Variants in FTO observed in about 807,000 individuals in gnomAD.
FTO encodes the protein alpha-ketoglutarate-dependent dioxygenase FTO.
In FTO, 47 loss-of-function variants were observed where a neutral mutation model predicts 63.9. That is an observed-to-expected ratio of 0.74 (90% CI 0.58 to 0.94). FTO has a LOEUF of 0.94. Among genes scored for constraint, FTO ranks in the 40% least tolerant of loss-of-function variants. The pLI is 0.00. For missense variants in FTO, 562 were observed against 618.1 expected, an observed-to-expected ratio of 0.91 and a Z score of 0.96; for synonymous variants, 207 against 224.4, an observed-to-expected ratio of 0.92 and a Z score of 0.69.
At chr16:54,102,956 C>A (rs1160347917) in intron 8 of FTO, among the ~76,000 whole-genome samples, 3 of 151,962 alleles carry the variant, frequency 2.0e-5, no homozygotes, top group Non-Finnish European at 1.5e-5. Context: ...AGTTTGAGAC[C>A]AACCTGTGCA....
intron 8 of FTO, among the ~76,000 whole-genome samples, chr16:54,078,957 T>C (rs975321611): frequency 6.6e-6 from 1 of 152,180 alleles, no homozygotes; most frequent in South Asian, 2.1e-4. Context: ...TTTCATTTGG[T>C]AAATGAACAT....
chr16:54,079,772 G>T (rs1440475083), intron 8 of FTO, among the ~76,000 whole-genome samples: 2 of 152,174 alleles, frequency 1.3e-5, no homozygotes, highest in African/African-American at 4.8e-5. Flanking sequence ...CTCGGCTCTG[G>T]CCAGTTACCG....
chr16:53,985,473 GA>G (rs1283516697), intron 8 of FTO, among the ~76,000 whole-genome samples: 1 of 152,142 alleles, frequency 6.6e-6, no homozygotes, highest in African/African-American at 2.4e-5. Flanking sequence ...ACATGAGAAA[GA>G]AAAAAATTTT....
chr16:54,068,224 T>A (rs2085778839), intron 8 of FTO, among the ~76,000 whole-genome samples: 1 of 152,164 alleles, frequency 6.6e-6, no homozygotes. Context: ...GTCTTCCTTT[T>A]TTTCCTTTCT....
intron 8 of FTO, among the ~76,000 whole-genome samples, chr16:54,024,716 G>T (rs1217330905): frequency 6.6e-6 from 1 of 152,058 alleles, no homozygotes; most frequent in Non-Finnish European, 1.5e-5. Flanking sequence ...TAACTCATAG[G>T]TTATTATAGG....
chr16:53,997,606 C>T lies in FTO; in HGVS notation c.1364+63497C>T, dbSNP rs1244066739. Reference sequence around the variant, plus strand: ...GGGAGTGGGGGGGTGGTGCAGTATACAAAACAGAGGGGACGTGTTATAAGG... The same window carrying T: ...GGGAGTGGGGGGGTGGTGCAGTATATAAAACAGAGGGGACGTGTTATAAGG... On this transcript the variant is annotated intron_variant, in intron 8 of 8. Coordinates refer to ENST00000471389, the MANE Select transcript of FTO (RefSeq NM_001080432.3). Among the ~76,000 whole-genome samples, 3 of 151,286 alleles carry T rather than the reference C, an allele frequency of 2.0e-5. No individual in the cohort carries two copies. In the East Asian group the frequency reaches 5.8e-4, roughly 29 times the overall value.
At chr16:53,920,643 C>T (rs762365106) in intron 7 of FTO, among the ~76,000 whole-genome samples, 2 of 152,066 alleles carry the variant, frequency 1.3e-5, no homozygotes, top group Non-Finnish European at 2.9e-5. Flanking sequence ...GGAACGCGTC[C>T]CTTGTGACTT....
At chr16:53,827,784 A>G (rs1374505220) in intron 3 of FTO, among the ~76,000 whole-genome samples, 1 of 152,216 alleles carries the variant, frequency 6.6e-6, no homozygotes, top group Non-Finnish European at 1.5e-5. Context: ...TCCTAATGGA[A>G]AGAACGGAGA....
At chr16:53,882,672 T>C (rs2080869927) in intron 6 of FTO, among the ~76,000 whole-genome samples, 1 of 152,216 alleles carries the variant, frequency 6.6e-6, no homozygotes, top group Non-Finnish European at 1.5e-5. Flanking sequence ...GCAGATTGTA[T>C]AGGTCCTTGG....
At chr16:53,975,215 T>C (rs1256556995) in intron 8 of FTO, among the ~76,000 whole-genome samples, 1 of 151,898 alleles carries the variant, frequency 6.6e-6, no homozygotes, top group African/African-American at 2.4e-5. Flanking sequence ...AAGTTTTTTT[T>C]TTTTTGGTGT....
intron 8 of FTO, among the ~76,000 whole-genome samples, chr16:53,996,167 A>G (rs1223607763): frequency 6.6e-6 from 1 of 152,144 alleles, no homozygotes; most frequent in African/African-American, 2.4e-5. Flanking sequence ...GAAACCTCCC[A>G]TTTCCAGACT....
chr16:53,887,565 G>A (rs887288630), intron 6 of FTO, among the ~76,000 whole-genome samples: 2 of 152,146 alleles, frequency 1.3e-5, no homozygotes, highest in Non-Finnish European at 2.9e-5. Context: ...GAGTATTTCT[G>A]ATCTGAAAAT....
chr16:54,104,840 G>C lies in FTO; in HGVS notation c.1365-6922G>C, dbSNP rs117846506. Among the ~76,000 whole-genome samples the C allele has an allele frequency of 1.3e-3, 191 of 152,318 alleles. 2 individuals are homozygous for C. In the East Asian group the frequency reaches 0.028, roughly 22 times the overall value. On this transcript the variant is annotated intron_variant, in intron 8 of 8. Coordinates refer to ENST00000471389, the MANE Select transcript of FTO (RefSeq NM_001080432.3). ...ATTTAAACTGCTCTAGTCTTTAGAAGTGTGATGTCTTTCGTTTTTATTTGC... is the reference window on the plus strand; with the variant it reads ...ATTTAAACTGCTCTAGTCTTTAGAACTGTGATGTCTTTCGTTTTTATTTGC...
intron 8 of FTO, among the ~76,000 whole-genome samples, chr16:54,006,490 T>G (rs2084209076): frequency 6.6e-6 from 1 of 152,214 alleles, no homozygotes; most frequent in Non-Finnish European, 1.5e-5. Flanking sequence ...CTTAAGATAT[T>G]TTATGAATCA....
At chr16:53,939,685 A>T (rs982721413) in intron 8 of FTO, among the ~76,000 whole-genome samples, 1 of 152,204 alleles carries the variant, frequency 6.6e-6, no homozygotes, top group Non-Finnish European at 1.5e-5. Context: ...TTGCCTATTT[A>T]TAACATTTCT....
chr16:54,000,084 CT>C (rs1224693897), intron 8 of FTO: 1 of 152,164 alleles, frequency 6.6e-6, no homozygotes, highest in African/African-American at 2.4e-5. Context: ...TGTTTATACT[CT>C]ATTAGAGCTT....
intron 1 of FTO, among the ~76,000 whole-genome samples, chr16:53,728,001 G>T (rs890805082): frequency 1.3e-5 from 2 of 152,126 alleles, no homozygotes; most frequent in Non-Finnish European, 1.5e-5. Context: ...CAGTGCTTTG[G>T]GGGGCTGAGG....
chr16:53,933,855 C>T (rs1403396253), intron 7 of FTO, 130 bp from the exon 8 acceptor site: 3 of 874,936 alleles, frequency 3.4e-6, no homozygotes, highest in Non-Finnish European at 5.3e-6. Context: ...CCATCATTTA[C>T]TGCATTGATT....
chr16:54,040,561 A>G (rs1290191578), intron 8 of FTO: 2 of 152,204 alleles, frequency 1.3e-5, no homozygotes, highest in African/African-American at 4.8e-5. Context: ...AAATCAGGGT[A>G]GAGGAATGGG....
Sources: allele counts gnomAD v4.1 joint callset (sites outside exome capture counted in the v4.1 genomes callset), GRCh38; gene constraint gnomAD v4.1.1; transcripts MANE v1.5; gene names NCBI Gene and HGNC (gene_info 2026-07-23, HGNC 2026-07-21).